The following MLXIP variants were observed in gnomAD, a reference collection of about 807,000 sequenced individuals.
MLXIP encodes MLX-interacting protein.
Under a neutral mutation model 87.2 loss-of-function variants are expected in MLXIP, and 30 were observed. The observed-to-expected ratio is 0.34, with a 90% CI of 0.26 to 0.47. MLXIP has a LOEUF of 0.47. MLXIP is among the 20% of genes least tolerant of loss of function. The pLI is 1.00. For missense variants in MLXIP, 1,002 were observed against 1,240.1 expected (o/e 0.81, Z 2.88); for synonymous variants, 530 against 514.0 (o/e 1.03, Z -0.42).
rs763464240 is a variant in MLXIP at position 122,130,057 on chromosome 12, C to T, written c.855C>T (p.Leu285=). 2 of 1,613,834 alleles carry T rather than the reference C, an allele frequency of 1.2e-6. No individual in the cohort carries two copies. The highest frequency in any genetic ancestry group is 1.7e-5 in the Admixed American group (1 of 59,988). The change falls in exon 6 of 17, where the codon CTC becomes CTT. Residue 285 remains leucine (L), a synonymous_variant. Coordinates refer to ENST00000319080, the MANE Select transcript of MLXIP (RefSeq NM_014938.6). ...TCATGTCGGAATTCAGCGACACCCT[C>T]TTCTCCACACTTTCTTCACACCAGC... ...DMLMSEFSDT[L]FSTLSSHQPV...
chr12:122,126,632 C>T (rs925585030), intron 1 of MLXIP, among the ~76,000 whole-genome samples: 1 of 152,172 alleles, frequency 6.6e-6, no homozygotes, highest in African/African-American at 2.4e-5. Context: ...AGGCCACGAC[C>T]AGGTCACAGG....
At chr12:122,140,306 T>C (rs1299343748) in intron 15 of MLXIP, among the ~76,000 whole-genome samples, 1 of 152,150 alleles carries the variant, frequency 6.6e-6, no homozygotes, top group Non-Finnish European at 1.5e-5. Flanking sequence ...TATTTATTTA[T>C]TTATTTTGAG....
In MLXIP at chr12:122,129,175, C is replaced by T. The variant is rs554592699; in HGVS notation, c.645C>T (p.Ile215=). 78 of 1,611,682 alleles carry T rather than the reference C, an allele frequency of 4.8e-5. No individual in the cohort carries two copies. In the South Asian group the frequency reaches 4.9e-4, roughly 10 times the overall value. The change falls in exon 4 of 17, where the codon ATC becomes ATT. Residue 215 remains isoleucine (I), a synonymous_variant. Coordinates refer to ENST00000319080, the MANE Select transcript of MLXIP (RefSeq NM_014938.6). ...AAGGGAAGTACTGGAAGAGCCGCATCGAGATTGTGATCCGGGAGTATCACA... is the reference window on the plus strand; with the variant it reads ...AAGGGAAGTACTGGAAGAGCCGCATTGAGATTGTGATCCGGGAGTATCACA... ...TTEGKYWKSR[I]EIVIREYHKW... is the part of the protein sequence containing the mutation.
At chr12:122,123,449 T>G (rs1952817766) in intron 1 of MLXIP, among the ~76,000 whole-genome samples, 1 of 152,212 alleles carries the variant, frequency 6.6e-6, no homozygotes, top group South Asian at 2.1e-4. Flanking sequence ...TTCTGGTCTC[T>G]GTGTTGCTGC....
chr12:122,092,034 C>G (rs1952252361), intron 1 of MLXIP, among the ~76,000 whole-genome samples: 1 of 152,164 alleles, frequency 6.6e-6, no homozygotes, highest in African/African-American at 2.4e-5. Flanking sequence ...CAGAACGGCT[C>G]TGGCACAAGA....
intron 1 of MLXIP, among the ~76,000 whole-genome samples, chr12:122,084,434 A>T (rs1190169725): frequency 6.6e-6 from 1 of 152,204 alleles, no homozygotes; most frequent in Admixed American, 6.5e-5. Context: ...GAAAGAGTCC[A>T]GGTGACGAGG....
chr12:122,099,108 G>A (rs1246707923), intron 1 of MLXIP, among the ~76,000 whole-genome samples: 1 of 152,218 alleles, frequency 6.6e-6, no homozygotes, highest in Non-Finnish European at 1.5e-5. Flanking sequence ...ATGGTGGCAT[G>A]TGCCCGTGGC....
At chr12:122,097,861 G>T (rs1952379406) in intron 1 of MLXIP, among the ~76,000 whole-genome samples, 1 of 148,950 alleles carries the variant, frequency 6.7e-6, no homozygotes. Context: ...CTCCCCACAA[G>T]AAACCTTGGC....
chr12:122,109,973 C>G (rs997366333), intron 1 of MLXIP, among the ~76,000 whole-genome samples: 1 of 152,046 alleles, frequency 6.6e-6, no homozygotes, highest in African/African-American at 2.4e-5. Flanking sequence ...TTCCTTTTGC[C>G]GAATGGAAGT....
Position 122,129,144 on chromosome 12 carries a change from C to A in MLXIP, c.614C>A (p.Thr205Asn). ...TCTCTGTCCCTGTCCTAGGCCATCA[C>A]CACGGAAGGGAAGTACTGGAAGAGC... The part of the protein sequence containing the change: ...VDEHRRPEAI[T>N]TEGKYWKSRI... The change falls in exon 4 of 17, where the codon ACC becomes AAC. Residue 205 changes from threonine (T) to asparagine (N), a missense_variant. Coordinates refer to ENST00000319080, the MANE Select transcript of MLXIP (RefSeq NM_014938.6). 6.2e-7 allele frequency: 1 copy of A among 1,608,822 alleles called. No homozygotes were observed. The highest frequency in any genetic ancestry group is 2.2e-5 in the East Asian group (1 of 44,722).
intron 1 of MLXIP, among the ~76,000 whole-genome samples, chr12:122,096,203 G>A (rs933179383): frequency 6.6e-6 from 1 of 151,972 alleles, no homozygotes; most frequent in Non-Finnish European, 1.5e-5. Flanking sequence ...TCAGCCTCCC[G>A]AGTAGCTGGG....
chr12:122,129,874 G>T, intron 5 of MLXIP, 67 bp from the exon 6 acceptor site: 1 of 1,548,968 alleles, frequency 6.5e-7, no homozygotes, highest in Non-Finnish European at 8.8e-7. Flanking sequence ...CCAGGTGACA[G>T]GCGTGGGAAT....
At chr12:122,121,299 T>C (rs28537480) in intron 1 of MLXIP, among the ~76,000 whole-genome samples, 68,828 of 138,250 alleles carry the variant, frequency 0.5, 18,070 homozygotes, top group Middle Eastern at 0.64. Flanking sequence ...CGAGCCACTG[T>C]GCCCAGCCTT....
chr12:122,141,479 C>T lies in MLXIP; in HGVS notation c.2639-212C>T, dbSNP rs148069847. Among the ~76,000 whole-genome samples the T allele has an allele frequency of 7.8e-4, 118 of 152,256 alleles. 1 individual carries two copies. Among genetic ancestry groups the T allele is most frequent in the Admixed American group, 1.3e-3 (20 of 15,290 alleles). The stretch of plus-strand genomic sequence containing the variant: ...GGAACAGCATAGGATGCTCCACCTA[C>T]GGCAGCTCCTGGATTTGGGGAGGCT... On this transcript the variant is annotated intron_variant, in intron 16 of 16. Transcript: ENST00000319080.
At chr12:122,103,414 G>A (rs1008246054) in intron 1 of MLXIP, among the ~76,000 whole-genome samples, 3 of 151,692 alleles carry the variant, frequency 2.0e-5, no homozygotes, top group Non-Finnish European at 4.4e-5. Flanking sequence ...TAGTAGACAC[G>A]GGATTTACCA....
At chr12:122,107,998 G>A (rs1209299184) in intron 1 of MLXIP, among the ~76,000 whole-genome samples, 3 of 152,156 alleles carry the variant, frequency 2.0e-5, no homozygotes, top group Admixed American at 2.0e-4. Flanking sequence ...CTGATTGGAA[G>A]GTGCGCCATG....
At chr12:122,103,225 ATTTATT>A (rs879325821) in intron 1 of MLXIP, among the ~76,000 whole-genome samples, 4,639 of 61,422 alleles carry the variant, frequency 0.076, 109 homozygotes, top group Middle Eastern at 0.23. Flanking sequence ...TTATTTATTT[ATTTATT>A]TATTTATTTT....
chr12:122,141,704 G>A lies in MLXIP; in HGVS notation c.2652G>A (p.Thr884=), dbSNP rs374543897. ...LPILRPMVLS[T]LRQLSTSTSI... ...TCTGTCTTGCAGTGGTATTGAGCAC[G>A]CTGCGGCAGCTGAGCACCTCCACCT... Residue 884 remains threonine, a synonymous_variant, in exon 17 of 17, where the codon ACG becomes ACA. Transcript: ENST00000319080. 5.0e-5 allele frequency: 81 copies of A among 1,613,816 alleles called. No homozygotes were observed. Among genetic ancestry groups the A allele is most frequent in the Admixed American group, 4.5e-4 (27 of 60,006 alleles).
At chr12:122,121,521 C>T (rs1416689989) in intron 1 of MLXIP, among the ~76,000 whole-genome samples, 3 of 151,992 alleles carry the variant, frequency 2.0e-5, no homozygotes, top group East Asian at 3.9e-4. Context: ...CTGCCCACCT[C>T]GGCCTCCCAA....
Sources: allele counts gnomAD v4.1 joint callset (sites outside exome capture counted in the v4.1 genomes callset), GRCh38; gene constraint gnomAD v4.1.1; transcripts MANE v1.5; gene names NCBI Gene and HGNC (gene_info 2026-07-23, HGNC 2026-07-21).